AGAP1: variants seen among roughly 807,000 people sequenced by gnomAD.
The protein encoded by AGAP1 is arf-GAP with GTPase, ANK repeat and PH domain-containing protein 1.
In AGAP1, 29 loss-of-function variants were observed where a neutral mutation model predicts 105.3. The observed-to-expected ratio is 0.28, with a 90% CI of 0.21 to 0.38. The LOEUF (loss-of-function observed/expected upper bound fraction) is 0.38. AGAP1 is among the 10% of genes least tolerant of loss of function. The pLI, the probability that AGAP1 is intolerant of heterozygous loss-of-function variation, is 1.00. For synonymous variants in AGAP1, 509 were observed against 485.9 expected (o/e 1.05, Z -0.63); for missense variants, 998 against 1,165.1 (o/e 0.86, Z 2.09).
chr2:235,944,358 T>TA (rs546578077), intron 12 of AGAP1, among the ~76,000 whole-genome samples: 22 of 152,252 alleles, frequency 1.4e-4, no homozygotes, highest in Non-Finnish European at 2.5e-4. Context: ...CCTTACCAGT[T>TA]ATCTTTTTAG....
At chr2:235,592,965 C>T (rs762330989) in intron 1 of AGAP1, among the ~76,000 whole-genome samples, 6 of 152,080 alleles carry the variant, frequency 3.9e-5, no homozygotes, top group Admixed American at 6.5e-5. Flanking sequence ...TAAGGATGAT[C>T]GGTGGCTGGG....
At position 235,692,984 on chromosome 2, in the gene AGAP1, C is replaced by T. The variant is rs1949809756; in HGVS notation, c.164-16195C>T. Reference sequence around the variant, plus strand: ...TGCATGGGAGAGGGAGTGTGGCCTGCAGGCCAGTGGCTGAGGCCCAGTGTG... The same window carrying T: ...TGCATGGGAGAGGGAGTGTGGCCTGTAGGCCAGTGGCTGAGGCCCAGTGTG... On this transcript the variant is annotated intron_variant, in intron 1 of 17. Transcript: ENST00000304032. The surrounding 1 kb of genome is among the most constrained non-coding windows in gnomAD (Gnocchi z 5.8). Among the ~76,000 whole-genome samples, 1 of 152,070 alleles carries T rather than the reference C, an allele frequency of 6.6e-6. No homozygotes were observed. The highest frequency in any genetic ancestry group is 2.4e-5 in the African/African-American group (1 of 41,416).
In AGAP1 at chr2:235,747,721, G is replaced by A. The variant is rs1470364636; in HGVS notation, c.539-2633G>A. Among the ~76,000 whole-genome samples, 3 of 152,242 alleles carry A rather than the reference G, an allele frequency of 2.0e-5. No homozygotes were observed. Among genetic ancestry groups the A allele is most frequent in the African/African-American group, 7.2e-5 (3 of 41,466 alleles). Reference sequence around the variant, plus strand: ...CTTCCTGCGTGCAGACTTGCTCTCCGTGAAGCCCGTGCTCGGCTGCTCTTT... The same window carrying A: ...CTTCCTGCGTGCAGACTTGCTCTCCATGAAGCCCGTGCTCGGCTGCTCTTT... On this transcript the variant is annotated intron_variant, in intron 5 of 17. Coordinates refer to ENST00000304032, the MANE Select transcript of AGAP1 (RefSeq NM_001037131.3). The surrounding 1 kb of genome is among the most constrained non-coding windows in gnomAD (Gnocchi z 5.0).
chr2:235,605,981 A>G (rs1174280077), intron 1 of AGAP1, among the ~76,000 whole-genome samples: 3 of 152,208 alleles, frequency 2.0e-5, no homozygotes, highest in Non-Finnish European at 4.4e-5. Context: ...TTTTCTTTCT[A>G]CTTTTTAAGA....
At position 236,049,327 on chromosome 2, in the gene AGAP1, G is replaced by A. The variant is rs756631930; in HGVS notation, c.2114+46G>A. Reference sequence around the variant, plus strand: ...CTGGCTCCCGACACGTTTGCCAACAGTTAGGCAACTGGAAGTGATCATAAT... The same window carrying A: ...CTGGCTCCCGACACGTTTGCCAACAATTAGGCAACTGGAAGTGATCATAAT... On this transcript the variant is annotated intron_variant, in intron 16 of 17. Transcript: ENST00000304032. 18 of 1,558,754 alleles carry A rather than the reference G, an allele frequency of 1.2e-5. No homozygotes were observed. The East Asian group carries it at 3.6e-4, about 31-fold the overall frequency.
intron 9 of AGAP1, among the ~76,000 whole-genome samples, chr2:235,834,922 C>T (rs759775004): frequency 6.6e-6 from 1 of 152,224 alleles, no homozygotes. Flanking sequence ...AGACTCTATG[C>T]AGAAAACTTG....
rs2056632696 is a variant in AGAP1 at position 236,014,694 on chromosome 2, G to C, written c.1646-21867G>C. 1 of 358,866 alleles carries C rather than the reference G, an allele frequency of 2.8e-6. No homozygotes were observed. Among genetic ancestry groups the C allele is most frequent in the East Asian group, 9.4e-5 (1 of 10,618 alleles). The allele number at this position is 358,866 out of a possible 1,614,324, so 22.2% of individuals were successfully genotyped here. ...CCCGCTTCGCGCAGACAGCTCGGAGGCAACGTCACGTGCTACTTTGACCTT... is the reference window on the plus strand; with the variant it reads ...CCCGCTTCGCGCAGACAGCTCGGAGCCAACGTCACGTGCTACTTTGACCTT... On this transcript the variant is annotated intron_variant, in intron 13 of 17. Coordinates refer to ENST00000304032, the MANE Select transcript of AGAP1 (RefSeq NM_001037131.3). This position sits in a 1 kb window ranked among gnomAD's most constrained non-coding sequence, Gnocchi z 6.3.
intron 11 of AGAP1, among the ~76,000 whole-genome samples, chr2:235,917,427 T>G (rs1261219584): frequency 6.6e-6 from 1 of 152,190 alleles, no homozygotes; most frequent in Non-Finnish European, 1.5e-5. Context: ...TCATGAATAT[T>G]AATGTGATCG....
At chr2:235,591,929 T>A (rs1033888588) in intron 1 of AGAP1, among the ~76,000 whole-genome samples, 1 of 144,314 alleles carries the variant, frequency 6.9e-6, no homozygotes, top group African/African-American at 2.5e-5. Context: ...TCCCACATGA[T>A]TGGAAGTTCT....
rs184273490 is a variant in AGAP1 at position 235,797,823 on chromosome 2, A to G, written c.738A>G (p.Leu246=). The change falls in exon 7 of 18, where the codon CTA becomes CTG. Residue 246 remains leucine, a synonymous_variant. Coordinates refer to ENST00000304032, the MANE Select transcript of AGAP1 (RefSeq NM_001037131.3). ...QQLSIGPCKS[L]PNSPSHSSVC... ...TGTCCATAGGACCCTGCAAGTCGCT[A>G]CCTAATTCTCCCAGCCATTCCTCCG... 568 of 1,614,184 alleles carry G rather than the reference A, an allele frequency of 3.5e-4. 4 individuals carry two copies. In the East Asian group the frequency reaches 0.011, roughly 32 times the overall value.
rs370091807 is a variant in AGAP1, at chr2:236,042,508, TTTAAAA to T, written c.1891+1668_1891+1673del. ...TTGAAGTGTGTTTCTATCAAAAAGT[TTTAAAA>T]GTAAGAGCTTTTTTAAAAGCACGAA... On this transcript the variant is annotated intron_variant, in intron 15 of 17. Transcript: ENST00000304032. This position sits in a 1 kb window ranked among gnomAD's most constrained non-coding sequence, Gnocchi z 5.6. 1.2e-4 allele frequency among the ~76,000 whole-genome samples: 18 copies of T among 152,336 alleles called. No homozygotes were observed. The highest frequency in any genetic ancestry group is 4.1e-4 in the African/African-American group (17 of 41,584).
At chr2:235,669,334 T>A (rs1948238361) in intron 1 of AGAP1, among the ~76,000 whole-genome samples, 1 of 152,298 alleles carries the variant, frequency 6.6e-6, no homozygotes, top group East Asian at 1.9e-4. Context: ...ATGCCTCATT[T>A]AAACGCGCAG....
intron 1 of AGAP1, among the ~76,000 whole-genome samples, chr2:235,521,742 A>G (rs200021185): frequency 0.17 from 20,143 of 121,508 alleles, 2,361 homozygotes; most frequent in African/African-American, 0.38. Flanking sequence ...TGTTATATAT[A>G]TGTGTGTGTG....
In AGAP1 at chr2:235,822,854, C is replaced by T. The variant is rs532035106; in HGVS notation, c.1050+15523C>T. ...GGGGCTTCCTGGTCGTGGACCCCGA[C>T]GGGTGGGCATGCGGTAGATACCCAG... is the stretch of plus-strand genomic sequence containing the variant. On this transcript the variant is annotated intron_variant, in intron 9 of 17. Coordinates refer to ENST00000304032, the MANE Select transcript of AGAP1 (RefSeq NM_001037131.3). 1.2e-3 allele frequency among the ~76,000 whole-genome samples: 185 copies of T among 152,260 alleles called. 1 individual carries two copies. The highest frequency in any genetic ancestry group is 4.0e-3 in the African/African-American group (168 of 41,560).
chr2:235,726,385 C>T lies in AGAP1; in HGVS notation c.310+8741C>T, dbSNP rs1355903174. The stretch of plus-strand genomic sequence containing the variant: ...ACGGCATCAGATATTTTAACAAAAC[C>T]GTTCTTTAAGAGGAAAATGGAGACT... On this transcript the variant is annotated intron_variant, in intron 3 of 17. Transcript: ENST00000304032. Among the ~76,000 whole-genome samples the T allele has an allele frequency of 4.6e-5, 7 of 152,260 alleles. No homozygotes were observed. The South Asian group carries it at 6.2e-4, about 14-fold the overall frequency.
intron 6 of AGAP1, among the ~76,000 whole-genome samples, chr2:235,760,168 G>A (rs752291092): frequency 5.3e-5 from 8 of 152,148 alleles, no homozygotes; most frequent in Admixed American, 1.3e-4. Context: ...ATTACCTGAG[G>A]TCAAGAGTTT....
intron 1 of AGAP1, among the ~76,000 whole-genome samples, chr2:235,681,405 G>C (rs1949066742): frequency 6.6e-6 from 1 of 152,158 alleles, no homozygotes; most frequent in African/African-American, 2.4e-5. Flanking sequence ...TGCCATGCTA[G>C]AGCGGGAGAG....
intron 10 of AGAP1, among the ~76,000 whole-genome samples, chr2:235,897,778 A>C (rs557627435): frequency 6.6e-6 from 1 of 152,176 alleles, no homozygotes; most frequent in Non-Finnish European, 1.5e-5. Flanking sequence ...TTTTACTTCT[A>C]CTAAGAAATT....
chr2:235,984,348 A>G (rs1331891654), intron 13 of AGAP1, among the ~76,000 whole-genome samples: 1 of 152,042 alleles, frequency 6.6e-6, no homozygotes, highest in Non-Finnish European at 1.5e-5. Context: ...TGCTGCGTGA[A>G]CATTGTCACA....
Sources: gnomAD v4.1 joint callset for allele counts (sites outside exome capture counted in the v4.1 genomes callset) on GRCh38, gnomAD v4.1.1 for gene constraint, Gnocchi (gnomAD v3.1) non-coding constraint, MANE v1.5 for transcripts, NCBI Gene and HGNC (gene_info 2026-07-23, HGNC 2026-07-21) for gene names.